The following GRIN2A variants were observed in gnomAD, a reference collection of about 807,000 sequenced individuals.
GRIN2A encodes the protein glutamate ionotropic receptor NMDA type subunit 2A, also known as glutamate receptor ionotropic, NMDA 2A.
GRIN2A carries 22 observed loss-of-function variants against 113.4 expected under a neutral mutation model. The ratio of observed to expected loss-of-function variants is 0.19; its 90% CI spans 0.14 to 0.28. GRIN2A has a LOEUF of 0.28. Ranked by LOEUF, GRIN2A falls within the 10% of genes least tolerant of loss-of-function variation. The probability of loss-of-function intolerance (pLI) is 1.00; values close to 1 mark genes in which losing one functional copy is unlikely to be tolerated. For missense variants in GRIN2A, 1,502 were observed against 1,887.0 expected, an observed-to-expected ratio of 0.80 and a Z score of 3.78; for synonymous variants, 827 against 738.4, an observed-to-expected ratio of 1.12 and a Z score of -1.94.
intron 10 of GRIN2A, among the ~76,000 whole-genome samples, chr16:9,814,597 C>T (rs1468677030): frequency 3.3e-5 from 5 of 152,172 alleles, no homozygotes; most frequent in Non-Finnish European, 7.4e-5. Context: ...CTGCACCCTC[C>T]TTCTGAAATA....
chr16:9,786,021 T>C (rs1902210613), intron 11 of GRIN2A, among the ~76,000 whole-genome samples: 3 of 152,356 alleles, frequency 2.0e-5, no homozygotes, highest in Admixed American at 2.0e-4. Context: ...TGGCACCCAG[T>C]TCTTCCTAAC....
intron 2 of GRIN2A, among the ~76,000 whole-genome samples, chr16:10,005,459 A>G (rs1035657470): frequency 6.6e-6 from 1 of 152,236 alleles, no homozygotes; most frequent in Non-Finnish European, 1.5e-5. Context: ...TTTCAGAGCG[A>G]TGGTCACAAA....
At chr16:9,852,696 C>T (rs555437793) in intron 4 of GRIN2A, among the ~76,000 whole-genome samples, 41 of 152,250 alleles carry the variant, frequency 2.7e-4, no homozygotes, top group African/African-American at 9.1e-4. Flanking sequence ...ATAGACCCTT[C>T]GGCACCCCAC....
At chr16:9,850,455 T>G (rs2042863460) in intron 4 of GRIN2A, among the ~76,000 whole-genome samples, 2 of 151,802 alleles carry the variant, frequency 1.3e-5, no homozygotes. Flanking sequence ...AAGCAATGCA[T>G]GAAAGGCAAA....
At chr16:10,051,506 G>A (rs1232357530) in intron 2 of GRIN2A, among the ~76,000 whole-genome samples, 1 of 152,212 alleles carries the variant, frequency 6.6e-6, no homozygotes, top group Non-Finnish European at 1.5e-5. Flanking sequence ...TTGAGTGAAT[G>A]AATGAGTAGT....
chr16:10,103,663 T>G (rs1388626421), intron 2 of GRIN2A, among the ~76,000 whole-genome samples: 3 of 152,174 alleles, frequency 2.0e-5, no homozygotes, highest in Non-Finnish European at 4.4e-5. Flanking sequence ...TCCATATGTA[T>G]GCCGGAATCC....
intron 2 of GRIN2A, among the ~76,000 whole-genome samples, chr16:9,992,529 G>A (rs1279251551): frequency 1.3e-5 from 2 of 152,184 alleles, no homozygotes; most frequent in African/African-American, 4.8e-5. Context: ...AGGTGTCCGT[G>A]GTGAAAATAA....
At chr16:9,831,987 T>G (rs1209083259) in intron 8 of GRIN2A, among the ~76,000 whole-genome samples, 1 of 152,126 alleles carries the variant, frequency 6.6e-6, no homozygotes, top group Non-Finnish European at 1.5e-5. Context: ...GGTGTGATCA[T>G]AGCTCACTGC....
At chr16:9,943,588 T>C (rs2044943186) in intron 2 of GRIN2A, among the ~76,000 whole-genome samples, 1 of 152,156 alleles carries the variant, frequency 6.6e-6, no homozygotes, top group East Asian at 1.9e-4. Flanking sequence ...ACCCATTATC[T>C]CTTTGATCCT....
chr16:9,987,430 G>A (rs59931374), intron 2 of GRIN2A, among the ~76,000 whole-genome samples: 13,376 of 152,168 alleles, frequency 0.088, 672 homozygotes, highest in Non-Finnish European at 0.11. Flanking sequence ...AGGCACAGAA[G>A]TGGAATTCCA....
At chr16:10,090,583 GA>G (rs1356666098) in intron 2 of GRIN2A, among the ~76,000 whole-genome samples, 1 of 150,774 alleles carries the variant, frequency 6.6e-6, no homozygotes, top group Non-Finnish European at 1.5e-5. Flanking sequence ...AAGGCTCCTT[GA>G]AAAAAAAATT....
At chr16:9,806,042 T>C (rs961728376) in intron 10 of GRIN2A, among the ~76,000 whole-genome samples, 7 of 152,256 alleles carry the variant, frequency 4.6e-5, no homozygotes, top group Admixed American at 4.6e-4. Context: ...TGATGAATTT[T>C]CACAAAGGAA....
intron 2 of GRIN2A, among the ~76,000 whole-genome samples, chr16:10,171,703 T>C (rs1186249905): frequency 6.6e-6 from 1 of 152,328 alleles, no homozygotes; most frequent in East Asian, 1.9e-4. Context: ...AAAGTACATG[T>C]ACACTGGAGA....
chr16:9,917,064 A>G (rs1440406886), intron 3 of GRIN2A, among the ~76,000 whole-genome samples: 1 of 152,226 alleles, frequency 6.6e-6, no homozygotes, highest in Non-Finnish European at 1.5e-5. Context: ...TTCCCATCTC[A>G]GGGACTTTGC....
intron 12 of GRIN2A, among the ~76,000 whole-genome samples, chr16:9,766,708 G>A (rs1001529400): frequency 6.6e-6 from 1 of 152,022 alleles, no homozygotes; most frequent in African/African-American, 2.4e-5. Flanking sequence ...GGCAACAGAG[G>A]GAGACTCCAT....
intron 10 of GRIN2A, among the ~76,000 whole-genome samples, chr16:9,820,444 G>T (rs139472478): frequency 3.9e-5 from 6 of 152,114 alleles, no homozygotes; most frequent in African/African-American, 1.4e-4. Flanking sequence ...TGCAGTCTTC[G>T]GTGTATACCA....
chr16:9,813,542 G>A lies in GRIN2A; in HGVS notation c.2168+8722C>T, dbSNP rs142703148. On this transcript the variant is annotated intron_variant, in intron 10 of 12. Coordinates refer to ENST00000330684, the MANE Select transcript of GRIN2A (RefSeq NM_001134407.3). ...TTGCCTTTTTTTTTTTTCCGTCTCTGAGTTTAAAGAATTATGATCTCACTT... is the reference window on the plus strand; with the variant it reads ...TTGCCTTTTTTTTTTTTCCGTCTCTAAGTTTAAAGAATTATGATCTCACTT... Among the ~76,000 whole-genome samples, 1,196 of 130,988 alleles carry A rather than the reference G, an allele frequency of 9.1e-3. 8 individuals carry two copies. Among genetic ancestry groups the A allele is most frequent in the Middle Eastern group, 0.019 (4 of 212 alleles). 85.9% of individuals were successfully genotyped at this position (130,988 alleles called of 152,430 possible). A position where few individuals can be genotyped will look rare whatever the true frequency, so the allele number is the denominator to read the frequency against.
intron 2 of GRIN2A, among the ~76,000 whole-genome samples, chr16:9,993,559 A>C (rs1007688901): frequency 6.6e-6 from 1 of 152,146 alleles, no homozygotes; most frequent in African/African-American, 2.4e-5. Context: ...ACCCATCACT[A>C]AAATAAAATA....
chr16:9,781,348 C>G (rs548358702), intron 11 of GRIN2A, among the ~76,000 whole-genome samples: 1 of 152,138 alleles, frequency 6.6e-6, no homozygotes, highest in Non-Finnish European at 1.5e-5. Context: ...ATTACTATTA[C>G]TTTAGATGGA....
Sources: gnomAD v4.1 joint callset for allele counts (sites outside exome capture counted in the v4.1 genomes callset) on GRCh38, gnomAD v4.1.1 for gene constraint, MANE v1.5 for transcripts, NCBI Gene and HGNC (gene_info 2026-07-23, HGNC 2026-07-21) for gene names.